VTI1A: variants seen among roughly 807,000 people sequenced by gnomAD.
The protein encoded by VTI1A is vesicle transport through interaction with t-SNAREs homolog 1A.
VTI1A carries 22 observed loss-of-function variants against 34.9 expected under a neutral mutation model. That is an observed-to-expected ratio of 0.63 (90% CI 0.45 to 0.90). The LOEUF (loss-of-function observed/expected upper bound fraction) is 0.90. Ranked by LOEUF, VTI1A falls within the 40% of genes least tolerant of loss-of-function variation. VTI1A has a pLI of 0.00. For synonymous variants in VTI1A, 87 were observed against 97.3 expected, an observed-to-expected ratio of 0.89 and a Z score of 0.62; for missense variants, 268 against 275.6, an observed-to-expected ratio of 0.97 and a Z score of 0.20.
intron 3 of VTI1A, among the ~76,000 whole-genome samples, chr10:112,478,532 GCTAA>G (rs1848356308): frequency 6.6e-6 from 1 of 152,108 alleles, no homozygotes. Flanking sequence ...GCTTCAGAGC[GCTAA>G]CTGTGGGAGC....
chr10:112,612,747 C>G (rs781215208), intron 5 of VTI1A, among the ~76,000 whole-genome samples: 12 of 152,156 alleles, frequency 7.9e-5, no homozygotes, highest in Non-Finnish European at 1.3e-4. Flanking sequence ...TCAAAGAAGG[C>G]TTTGTAGATA....
At chr10:112,690,751 A>T (rs1454213257) in intron 7 of VTI1A, among the ~76,000 whole-genome samples, 1 of 152,220 alleles carries the variant, frequency 6.6e-6, no homozygotes. Flanking sequence ...AGAGCATGTG[A>T]AGCATCCATC....
chr10:112,454,253 G>A (rs1042620101), intron 1 of VTI1A, among the ~76,000 whole-genome samples: 3 of 152,128 alleles, frequency 2.0e-5, no homozygotes, highest in Admixed American at 6.5e-5. Context: ...TTTAATGAGG[G>A]TGTTCTGTGC....
At chr10:112,629,976 T>C (rs1846068321) in intron 5 of VTI1A, among the ~76,000 whole-genome samples, 1 of 152,234 alleles carries the variant, frequency 6.6e-6, no homozygotes, top group South Asian at 2.1e-4. Flanking sequence ...TATGGTTTTA[T>C]AGTATTAAAA....
intron 7 of VTI1A, among the ~76,000 whole-genome samples, chr10:112,719,703 C>T (rs1044839635): frequency 6.6e-6 from 1 of 152,174 alleles, no homozygotes; most frequent in African/African-American, 2.4e-5. Context: ...TGCGCCACCA[C>T]ACCCTGCTAG....
intron 7 of VTI1A, among the ~76,000 whole-genome samples, chr10:112,801,620 T>C (rs1357726491): frequency 6.6e-6 from 1 of 152,202 alleles, no homozygotes; most frequent in Non-Finnish European, 1.5e-5. Flanking sequence ...GACCTGAATC[T>C]TTCTATAGTG....
chr10:112,778,814 G>A (rs1447487905), intron 7 of VTI1A, among the ~76,000 whole-genome samples: 1 of 152,068 alleles, frequency 6.6e-6, no homozygotes, highest in African/African-American at 2.4e-5. Flanking sequence ...TTTTTTGTCT[G>A]AATCAAGAAA....
At chr10:112,520,265 A>T (rs1284765701) in intron 3 of VTI1A, among the ~76,000 whole-genome samples, 1 of 152,064 alleles carries the variant, frequency 6.6e-6, no homozygotes, top group South Asian at 2.1e-4. Flanking sequence ...TGAATGAAGT[A>T]ATTTAATTGT....
At chr10:112,519,373 T>C (rs1849927677) in intron 3 of VTI1A, among the ~76,000 whole-genome samples, 1 of 152,178 alleles carries the variant, frequency 6.6e-6, no homozygotes, top group African/African-American at 2.4e-5. Context: ...GGTGTGGTTA[T>C]GACTCACCCT....
chr10:112,733,338 C>T (rs1885282), intron 7 of VTI1A, among the ~76,000 whole-genome samples: 14,973 of 152,066 alleles, frequency 0.098, 1,051 homozygotes, highest in East Asian at 0.27. Context: ...AGTTCCAAAA[C>T]ATTTTCACCA....
the VTI1A span, among the ~76,000 whole-genome samples, chr10:112,848,081 A>G: frequency 6.6e-6 from 1 of 152,220 alleles, no homozygotes; most frequent in Non-Finnish European, 1.5e-5. Context: ...AACAATAGCT[A>G]ATTGAAACAT....
chr10:112,698,076 T>C (rs1461370033), intron 7 of VTI1A, among the ~76,000 whole-genome samples: 1 of 152,206 alleles, frequency 6.6e-6, no homozygotes, highest in Non-Finnish European at 1.5e-5. Flanking sequence ...TAATGTAACA[T>C]AAGCTAAAAT....
intron 7 of VTI1A, among the ~76,000 whole-genome samples, chr10:112,707,551 C>G (rs1439910930): frequency 6.6e-6 from 1 of 152,094 alleles, no homozygotes; most frequent in African/African-American, 2.4e-5. Context: ...TCAGGCTGGT[C>G]TCGAACTCCT....
At chr10:112,556,758 A>C (rs1252470798) in intron 5 of VTI1A, among the ~76,000 whole-genome samples, 2 of 151,994 alleles carry the variant, frequency 1.3e-5, no homozygotes, top group African/African-American at 4.8e-5. Context: ...TTTTCAAGCG[A>C]TGAATGCCTT....
At chr10:112,550,962 G>T (rs868361856) in intron 5 of VTI1A, among the ~76,000 whole-genome samples, 9 of 152,052 alleles carry the variant, frequency 5.9e-5, no homozygotes, top group African/African-American at 1.9e-4. Flanking sequence ...GTACCTTCAC[G>T]GCCGGGCGCG....
chr10:112,642,693 C>G (rs901854312), intron 5 of VTI1A, among the ~76,000 whole-genome samples: 6 of 152,140 alleles, frequency 3.9e-5, no homozygotes, highest in African/African-American at 1.4e-4. Flanking sequence ...GAGACTGATT[C>G]CCTGCTATGG....
intron 5 of VTI1A, among the ~76,000 whole-genome samples, chr10:112,603,770 C>G (rs1460425027): frequency 6.6e-6 from 1 of 152,116 alleles, no homozygotes; most frequent in African/African-American, 2.4e-5. Flanking sequence ...CAACCCACTC[C>G]CTCCCAATGC....
At chr10:112,851,997 A>G in the VTI1A span, among the ~76,000 whole-genome samples, 1 of 152,206 alleles carries the variant, frequency 6.6e-6, no homozygotes, top group Non-Finnish European at 1.5e-5. Context: ...GAGACAAAAG[A>G]AAAAAATAAA....
At chr10:112,763,215 C>T (rs369516294) in intron 7 of VTI1A, among the ~76,000 whole-genome samples, 7 of 152,058 alleles carry the variant, frequency 4.6e-5, no homozygotes, top group Non-Finnish European at 1.0e-4. Context: ...TCGAGGCGGG[C>T]GGATCACAAG....
Sources: allele counts gnomAD v4.1 joint callset (sites outside exome capture counted in the v4.1 genomes callset), GRCh38; gene constraint gnomAD v4.1.1; transcripts MANE v1.5; gene names NCBI Gene and HGNC (gene_info 2026-07-23, HGNC 2026-07-21).